Variants in TFRC observed in about 807,000 individuals in gnomAD.
TFRC encodes the protein transferrin receptor, also known as transferrin receptor protein 1.
A neutral mutation model predicts 85.8 loss-of-function variants in TFRC; 35 were observed. That is an observed-to-expected ratio of 0.41 (90% CI 0.31 to 0.54). The LOEUF (loss-of-function observed/expected upper bound fraction) is 0.54, where lower values mean the gene tolerates loss of function less well. Among genes scored for constraint, TFRC ranks in the 20% least tolerant of loss-of-function variants. The pLI is 0.31. For missense variants in TFRC, 828 were observed against 921.5 expected (o/e 0.90, Z 1.31); for synonymous variants, 362 against 328.6 (o/e 1.10, Z -1.10).
intron 18 of TFRC, 94 bp downstream of exon 18, chr3:196,053,324 T>C: frequency 7.2e-7 from 1 of 1,398,180 alleles, no homozygotes; most frequent in Admixed American, 1.8e-5. Context: ...AAAGGAATTC[T>C]AGACTCCTAG....
intron 18 of TFRC, 105 bp from the exon 19 acceptor site, chr3:196,052,289 AGAC>A: frequency 4.9e-6 from 5 of 1,018,614 alleles, no homozygotes; most frequent in Non-Finnish European, 6.9e-6. Flanking sequence ...AATGCCGATC[AGAC>A]TTTTTTTTTT....
chr3:196,056,764 T>C (rs1560068700), intron 16 of TFRC, among the ~76,000 whole-genome samples: 2 of 152,210 alleles, frequency 1.3e-5, no homozygotes, highest in Non-Finnish European at 2.9e-5. Flanking sequence ...ATTAAGCTAA[T>C]TGAGATTAAC....
intron 6 of TFRC, among the ~76,000 whole-genome samples, chr3:196,070,533 G>T (rs41301387): frequency 6.6e-6 from 1 of 152,026 alleles, no homozygotes; most frequent in Admixed American, 6.6e-5. Context: ...GATTACAGGC[G>T]TGAGCCACCA....
chr3:196,073,816 G>A, intron 4 of TFRC, 114 bp downstream of exon 4: 2 of 1,129,020 alleles, frequency 1.8e-6, no homozygotes, highest in South Asian at 1.8e-5. Context: ...AACATGACAA[G>A]TCTTGTCTTC....
chr3:196,053,155 T>C (rs527367461), intron 18 of TFRC, among the ~76,000 whole-genome samples: 2 of 152,184 alleles, frequency 1.3e-5, no homozygotes. Context: ...TGATTCATTT[T>C]ACAAAGGAAA....
intron 9 of TFRC, among the ~76,000 whole-genome samples, chr3:196,066,483 C>G (rs1002326472): frequency 1.9e-4 from 29 of 152,150 alleles, no homozygotes; most frequent in African/African-American, 6.8e-4. Context: ...CTTCCCCTAT[C>G]TAATTCCTCT....
intron 1 of TFRC, among the ~76,000 whole-genome samples, chr3:196,081,053 GA>G (rs1460004396): frequency 6.6e-6 from 1 of 152,134 alleles, no homozygotes; most frequent in East Asian, 1.9e-4. Context: ...AGCGTTATCC[GA>G]AAAGAGCCGA....
chr3:196,069,569 C>A lies in TFRC; in HGVS notation c.688-1G>T. On this transcript the variant is annotated splice_acceptor_variant, in intron 6 of 18. Transcript: ENST00000360110. LOFTEE classifies it high-confidence loss of function. The stretch of plus-strand genomic sequence containing the variant: ...CAAAATTAGCATGGACCAGTTTACC[C>A]TAGAACAAAGACATTAGATTTAATG... 6.4e-7 allele frequency: 1 copy of A among 1,559,126 alleles called. No individual in the cohort carries two copies. The highest frequency in any genetic ancestry group is 8.8e-7 in the Non-Finnish European group (1 of 1,131,402).
intron 4 of TFRC, among the ~76,000 whole-genome samples, chr3:196,073,086 G>A (rs1295476297): frequency 6.7e-6 from 1 of 149,622 alleles, no homozygotes; most frequent in Non-Finnish European, 1.5e-5. Flanking sequence ...AGAGCATGGT[G>A]GTACAAGCCT....
chr3:196,075,465 T>C (rs1352858898), intron 2 of TFRC, 105 bp from the exon 3 acceptor site: 6 of 1,111,932 alleles, frequency 5.4e-6, no homozygotes, highest in African/African-American at 4.6e-5. Flanking sequence ...ACTTGCTATA[T>C]ATTCCTTAGG....
In TFRC at chr3:196,075,262, T is replaced by C. The variant is rs552921034; in HGVS notation, c.135A>G (p.Glu45=). ...CCTTTGTGTTATTGTCAGCATTTTC[T>C]TCTTCATCTACAGCAAGTTTCATCT... ...HVEMKLAVDE[E]ENADNNTKAN... The change falls in exon 3 of 19, where the codon GAA becomes GAG. Residue 45 remains glutamate (E), a synonymous_variant. Transcript: ENST00000360110. 1.5e-4 allele frequency: 245 copies of C among 1,614,170 alleles called. 2 individuals carry two copies. In the South Asian group the frequency reaches 2.4e-3, roughly 16 times the overall value.
chr3:196,060,848 C>T (rs1274582056), intron 13 of TFRC, among the ~76,000 whole-genome samples: 1 of 140,854 alleles, frequency 7.1e-6, no homozygotes, highest in Non-Finnish European at 1.5e-5. Flanking sequence ...TTAGGTTCAG[C>T]AGCAAAATTA....
At chr3:196,080,423 G>C (rs1719070511) in intron 1 of TFRC, among the ~76,000 whole-genome samples, 1 of 152,154 alleles carries the variant, frequency 6.6e-6, no homozygotes, top group Non-Finnish European at 1.5e-5. Context: ...GTTTTTAGTA[G>C]AGACAGGATT....
chr3:196,075,728 T>C (rs1360727614), intron 2 of TFRC, among the ~76,000 whole-genome samples: 5 of 152,062 alleles, frequency 3.3e-5, no homozygotes, highest in African/African-American at 1.2e-4. Flanking sequence ...TTCAGGATAC[T>C]ATGCAGTAAC....
In TFRC at chr3:196,065,423, G is replaced by T. The variant is rs780319978; in HGVS notation, c.1198+20C>A. 4.6e-5 allele frequency: 32 copies of T among 700,126 alleles called. 3 individuals carry two copies. Among genetic ancestry groups the T allele is most frequent in the South Asian group, 9.2e-5 (4 of 43,696 alleles). The allele number at this position is 700,126 out of a possible 1,614,324, so 43.4% of individuals were successfully genotyped here. ...AAACAAAAAAAAAGCGGGGCGGGGG[G>T]GGGGGGGGGCGGTCTTTACCTGGTT... On this transcript the variant is annotated intron_variant, in intron 10 of 18. Transcript: ENST00000360110.
chr3:196,058,211 C>T (rs1716974768), intron 16 of TFRC, 73 bp downstream of exon 16: 2 of 1,252,492 alleles, frequency 1.6e-6, no homozygotes, highest in Non-Finnish European at 1.2e-6. Context: ...CATTGCAATG[C>T]CCTATTCCCA....
At chr3:196,062,690 TATC>T (rs1371574501) in intron 12 of TFRC, 45 bp from the exon 13 acceptor site, 10 of 1,576,120 alleles carry the variant, frequency 6.3e-6, no homozygotes, top group Non-Finnish European at 8.6e-6. Flanking sequence ...TCTGTTTATT[TATC>T]ACATACAGTA....
chr3:196,072,135 G>A lies in TFRC; in HGVS notation c.452C>T (p.Ser151Leu). 2 of 1,613,348 alleles carry A rather than the reference G, an allele frequency of 1.2e-6. No individual in the cohort carries two copies. Among genetic ancestry groups the A allele is most frequent in the Non-Finnish European group, 1.7e-6 (2 of 1,179,834 alleles). The change falls in exon 5 of 19, where the codon TCA becomes TTA. Residue 151 changes from serine (S) to leucine (L), a missense_variant. Physicochemically the swap from Ser to Leu is moderately radical, Grantham distance 145. Transcript: ENST00000360110. ...AGATCCAGCCTCACGAGGGACATAT[G>A]AATTTTCATTCAGCAGCCTGGAGGA... ...TGTIKLLNEN[S>L]YVPREAGSQK...
Position 196,051,147 on chromosome 3 carries a change from A to T in TFRC, c.*795T>A, listed in dbSNP as rs746681869. Reference sequence around the variant, plus strand: ...AAATTTGGCAGCATATTATTCTTTAAAGTCTGACAAACTGAGTCTGCAACT... The same window carrying T: ...AAATTTGGCAGCATATTATTCTTTATAGTCTGACAAACTGAGTCTGCAACT... On this transcript the variant is annotated 3_prime_UTR_variant, in exon 19 of 19. Transcript: ENST00000360110. The T allele has an allele frequency of 3.7e-5, 8 of 215,858 alleles. No homozygotes were observed. Among genetic ancestry groups the T allele is most frequent in the Non-Finnish European group, 6.5e-5 (7 of 106,930 alleles). 13.4% of individuals were successfully genotyped at this position (215,858 alleles called of 1,614,324 possible).
Sources: gnomAD v4.1 joint callset for allele counts (sites outside exome capture counted in the v4.1 genomes callset) on GRCh38, gnomAD v4.1.1 for gene constraint, MANE v1.5 for transcripts, NCBI Gene and HGNC (gene_info 2026-07-23, HGNC 2026-07-21) for gene names.